The following COG4 variants were observed in gnomAD, a reference collection of about 807,000 sequenced individuals.
COG4 encodes the protein conserved oligomeric Golgi complex subunit 4.
COG4 carries 65 observed loss-of-function variants against 95.1 expected under a neutral mutation model. The observed-to-expected ratio is 0.68, with a 90% confidence interval of 0.56 to 0.84. The LOEUF is 0.84. COG4 is among the 40% of genes least tolerant of loss of function. COG4 has a pLI of 0.00. For synonymous variants in COG4, 421 were observed against 374.8 expected (o/e 1.12, Z -1.42); for missense variants, 1,045 against 989.1 (o/e 1.06, Z -0.76).
intron 12 of COG4, among the ~76,000 whole-genome samples, chr16:70,492,425 G>C (rs367709101): frequency 6.6e-6 from 1 of 152,098 alleles, no homozygotes; most frequent in African/African-American, 2.4e-5. Flanking sequence ...TTGGGAGGCC[G>C]ATGCGGGCAG....
Position 70,482,777 on chromosome 16 carries a change from C to A in COG4, c.1872G>T (p.Val624=). 1 of 1,613,902 alleles carries A rather than the reference C, an allele frequency of 6.2e-7. No individual in the cohort carries two copies. Among genetic ancestry groups the A allele is most frequent in the Non-Finnish European group, 8.5e-7 (1 of 1,179,906 alleles). ...AGAAAAAGCTGTTGATCCAAGGCTG[C>A]ACCTGTGGCTTGATGGCTGTGCTGT... ...ELNSTAIKPQ[V]QPWINSFFSV... Residue 624 remains valine, a synonymous_variant, in exon 15 of 19, where the codon GTG becomes GTT. Coordinates refer to ENST00000323786, the MANE Select transcript of COG4 (RefSeq NM_015386.3).
At position 70,523,445 on chromosome 16, in the gene COG4, G is replaced by C; in HGVS notation, c.99C>G (p.Ser33=). 1 of 1,614,102 alleles carries C rather than the reference G, an allele frequency of 6.2e-7. No homozygotes were observed. The highest frequency in any genetic ancestry group is 8.5e-7 in the Non-Finnish European group (1 of 1,180,022). ...CTGTCAGGGAGCGAATGAGCTCAGC[G>C]GAGATTTCGGAGCAGCGGCCACCTC... ...GVGGGRCSEI[S]AELIRSLTEL... The change falls in exon 1 of 19, where the codon TCC becomes TCG. Residue 33 remains serine (S), a synonymous_variant. Coordinates refer to ENST00000323786, the MANE Select transcript of COG4 (RefSeq NM_015386.3).
chr16:70,482,303 A>ACCTTGTCCTT, intron 15 of COG4, 128 bp from the exon 16 acceptor site: 1 of 743,756 alleles, frequency 1.3e-6, no homozygotes. Flanking sequence ...TGACTCATCT[A>ACCTTGTCCTT]GTTTAAAACC....
chr16:70,485,970 A>C (rs2049124358), intron 13 of COG4, among the ~76,000 whole-genome samples: 1 of 148,402 alleles, frequency 6.7e-6, no homozygotes, highest in Non-Finnish European at 1.5e-5. Context: ...ATCTCGGTTC[A>C]CTGCAAGCTC....
chr16:70,487,472 T>C (rs1239589954), intron 13 of COG4, among the ~76,000 whole-genome samples: 1 of 151,506 alleles, frequency 6.6e-6, no homozygotes, highest in African/African-American at 2.4e-5. Flanking sequence ...TGGCAGGTGC[T>C]TATAATCCCA....
At chr16:70,481,519 A>G in intron 17 of COG4, 32 bp from the exon 18 acceptor site, 1 of 1,609,920 alleles carries the variant, frequency 6.2e-7, no homozygotes, top group Non-Finnish European at 8.5e-7. Context: ...GTCACTACTT[A>G]GGCCTGGCCA....
intron 4 of COG4, among the ~76,000 whole-genome samples, chr16:70,514,092 C>T (rs973285361): frequency 1.3e-5 from 2 of 152,042 alleles, no homozygotes; most frequent in Non-Finnish European, 2.9e-5. Flanking sequence ...CACCTGTAGT[C>T]CCAGCTACTC....
At chr16:70,512,177 A>G (rs2049719898) in intron 5 of COG4, 62 bp downstream of exon 5, 2 of 1,473,726 alleles carry the variant, frequency 1.4e-6, no homozygotes, top group Non-Finnish European at 1.9e-6. Context: ...GGATCCATCC[A>G]GTGCCCCAAT....
At chr16:70,513,697 A>T (rs2049759461) in intron 4 of COG4, among the ~76,000 whole-genome samples, 1 of 152,314 alleles carries the variant, frequency 6.6e-6, no homozygotes, top group South Asian at 2.1e-4. Context: ...GTGGTACAAG[A>T]TTTTATCACA....
At chr16:70,493,241 T>C (rs910281314) in intron 12 of COG4, among the ~76,000 whole-genome samples, 8 of 152,102 alleles carry the variant, frequency 5.3e-5, no homozygotes, top group Admixed American at 6.6e-5. Flanking sequence ...TATCTATTTC[T>C]TGTCTGCATG....
rs746050516 is a variant in COG4, at chr16:70,523,407, A to G, written c.137T>C (p.Leu46Pro). 1.2e-6 allele frequency: 2 copies of G among 1,614,162 alleles called. No individual in the cohort carries two copies. The highest frequency in any genetic ancestry group is 1.7e-6 in the Non-Finnish European group (2 of 1,180,032). ...LIRSLTELQE[L>P]EAVYERLCGE... ...GCAGAGCCGTTCGTATACAGCCTCC[A>G]GCTCCTGCAGCTCTGTCAGGGAGCG... Residue 46 changes from leucine to proline, a missense_variant, in exon 1 of 19, where the codon CTG (leucine) becomes CCG (proline). Transcript: ENST00000323786.
intron 3 of COG4, among the ~76,000 whole-genome samples, chr16:70,515,158 T>C (rs573402606): frequency 6.6e-6 from 1 of 151,972 alleles, no homozygotes; most frequent in Non-Finnish European, 1.5e-5. Context: ...TGGGATTACA[T>C]GTGCACACAA....
rs372834444 is a variant in COG4 at position 70,523,390 on chromosome 16, G to C, written c.154C>G (p.Arg52Gly). Reference sequence around the variant, plus strand: ...CCCCGCACCTCCTCGCCGCAGAGCCGTTCGTATACAGCCTCCAGCTCCTGC... The same window carrying C: ...CCCCGCACCTCCTCGCCGCAGAGCCCTTCGTATACAGCCTCCAGCTCCTGC... ...ELQELEAVYE[R>G]LCGEEKVVER... Residue 52 changes from arginine to glycine, a missense_variant, in exon 1 of 19, where the codon CGG becomes GGG. Physicochemically the swap from Arg to Gly is moderately radical, Grantham distance 125 (BLOSUM62 -2). Transcript: ENST00000323786. The C allele has an allele frequency of 6.9e-5, 112 of 1,613,992 alleles. No individual in the cohort carries two copies. The highest frequency in any genetic ancestry group is 9.2e-5 in the Non-Finnish European group (109 of 1,180,022).
intron 12 of COG4, among the ~76,000 whole-genome samples, chr16:70,495,585 C>T (rs1409901154): frequency 6.6e-6 from 1 of 152,012 alleles, no homozygotes; most frequent in Admixed American, 6.6e-5. Context: ...CAGAATGGAC[C>T]TCGGACTGTG....
intron 1 of COG4, 65 bp from the exon 2 acceptor site, chr16:70,519,796 C>A (rs1434275986): frequency 8.4e-7 from 1 of 1,191,568 alleles, no homozygotes; most frequent in African/African-American, 1.5e-5. Flanking sequence ...TTATCTAATC[C>A]AATCACTTAG....
At chr16:70,518,643 GA>G (rs1185172760) in intron 2 of COG4, among the ~76,000 whole-genome samples, 1 of 152,002 alleles carries the variant, frequency 6.6e-6, no homozygotes, top group Non-Finnish European at 1.5e-5. Flanking sequence ...CGCAGCCAGG[GA>G]ACAATTTTTA....
At chr16:70,520,217 C>T (rs1176154731) in intron 1 of COG4, among the ~76,000 whole-genome samples, 1 of 152,038 alleles carries the variant, frequency 6.6e-6, no homozygotes, top group Admixed American at 6.6e-5. Flanking sequence ...AGGCGGATCA[C>T]GAGGTCAGGA....
intron 8 of COG4, among the ~76,000 whole-genome samples, chr16:70,504,682 C>T (rs9933022): frequency 0.12 from 17,830 of 149,714 alleles, 3,519 homozygotes; most frequent in African/African-American, 0.41. Context: ...GAGGCCAAGG[C>T]GGGTGGATCA....
chr16:70,500,365 C>CTTTTTTTTTTTTTTTTTTTTT (rs68141616), intron 9 of COG4, among the ~76,000 whole-genome samples: 1 of 96,174 alleles, frequency 1.0e-5, no homozygotes, highest in African/African-American at 5.0e-5. Context: ...ATTATATACT[C>CTTTTTTTTTTTTTTTTTTTTT]TTTTTTTTTT....
Sources: gnomAD v4.1 joint callset for allele counts (sites outside exome capture counted in the v4.1 genomes callset) on GRCh38, gnomAD v4.1.1 for gene constraint, MANE v1.5 for transcripts, NCBI Gene and HGNC (gene_info 2026-07-23, HGNC 2026-07-21) for gene names.